Variants in EBF1 observed in about 807,000 individuals in gnomAD.
EBF1 encodes the protein EBF transcription factor 1.
A neutral mutation model predicts 68.4 loss-of-function variants in EBF1; 10 were observed. The ratio of observed to expected loss-of-function variants is 0.15; its 90% CI spans 0.09 to 0.25. EBF1 has a LOEUF of 0.25. EBF1 is among the 10% of genes least tolerant of loss of function. The pLI is 1.00. For missense variants in EBF1, 509 were observed against 794.4 expected (o/e 0.64, Z 4.32); for synonymous variants, 298 against 299.8 (o/e 0.99, Z 0.06).
At chr5:158,758,276 A>G (rs985067074) in intron 10 of EBF1, among the ~76,000 whole-genome samples, 4 of 152,230 alleles carry the variant, frequency 2.6e-5, no homozygotes, top group African/African-American at 9.6e-5. Flanking sequence ...ATGAGAGAGG[A>G]CTTATACACG....
intron 6 of EBF1, among the ~76,000 whole-genome samples, chr5:159,065,874 T>A (rs1211266241): frequency 1.3e-5 from 2 of 152,210 alleles, no homozygotes; most frequent in Non-Finnish European, 2.9e-5. Flanking sequence ...TTACTTTTAA[T>A]CTATGGCCCT....
chr5:159,087,357 CAT>C (rs59723820), intron 4 of EBF1, among the ~76,000 whole-genome samples: 44,737 of 140,380 alleles, frequency 0.32, 7,457 homozygotes, highest in African/African-American at 0.37. Context: ...TATATATACA[CAT>C]ATATATATAC....
intron 10 of EBF1, among the ~76,000 whole-genome samples, chr5:158,772,347 G>A (rs1774036540): frequency 6.6e-6 from 1 of 152,216 alleles, no homozygotes; most frequent in Non-Finnish European, 1.5e-5. Context: ...GGAAGCTGGA[G>A]TTGAAGCTGA....
At chr5:158,891,625 T>A (rs1801200755) in intron 6 of EBF1, among the ~76,000 whole-genome samples, 1 of 152,120 alleles carries the variant, frequency 6.6e-6, no homozygotes, top group Non-Finnish European at 1.5e-5. Context: ...TATATATGTG[T>A]GTGTGTGTAT....
At chr5:158,960,287 A>G (rs1817920767) in intron 6 of EBF1, among the ~76,000 whole-genome samples, 1 of 152,258 alleles carries the variant, frequency 6.6e-6, no homozygotes, top group Non-Finnish European at 1.5e-5. Flanking sequence ...TTGCCACTTA[A>G]ATAAATGTTA....
chr5:158,713,722 T>G (rs1452130088), intron 12 of EBF1, among the ~76,000 whole-genome samples: 4 of 152,242 alleles, frequency 2.6e-5, no homozygotes, highest in Non-Finnish European at 5.9e-5. Context: ...CATGGAGTTC[T>G]ATGAAACAGA....
intron 6 of EBF1, among the ~76,000 whole-genome samples, chr5:158,969,721 G>C (rs1265869720): frequency 6.6e-6 from 1 of 151,490 alleles, no homozygotes; most frequent in Admixed American, 6.6e-5. Flanking sequence ...CCTGCAGTGA[G>C]CTGTAATCGT....
intron 4 of EBF1, among the ~76,000 whole-genome samples, chr5:159,090,415 A>T (rs1781426276): frequency 6.6e-6 from 1 of 151,986 alleles, no homozygotes; most frequent in Non-Finnish European, 1.5e-5. Flanking sequence ...GGAATAAAAT[A>T]AAAAAATAAT....
At chr5:158,937,666 G>C (rs933832693) in intron 6 of EBF1, among the ~76,000 whole-genome samples, 1 of 152,176 alleles carries the variant, frequency 6.6e-6, no homozygotes, top group African/African-American at 2.4e-5. Flanking sequence ...GTGCGGAATG[G>C]CTTCCCAAGG....
In EBF1 at chr5:159,051,302, C is replaced by T. The variant is rs1773614220; in HGVS notation, c.554+22094G>A. On this transcript the variant is annotated intron_variant, in intron 6 of 15. Transcript: ENST00000313708. ...GTCAAGGCATCCTTTTCCTGGTTCC[C>T]CTTGGGCTACTTTCTTTGCTCCCAC... Among the ~76,000 whole-genome samples the T allele has an allele frequency of 2.6e-5, 4 of 151,966 alleles. No individual in the cohort carries two copies. The South Asian group carries it at 8.3e-4, about 32-fold the overall frequency.
chr5:159,041,076 C>T (rs906671005), intron 6 of EBF1, among the ~76,000 whole-genome samples: 10 of 152,210 alleles, frequency 6.6e-5, no homozygotes, highest in African/African-American at 1.9e-4. Flanking sequence ...CCTTGGCAGA[C>T]TTACAATCCA....
At chr5:158,805,921 A>G (rs999639235) in intron 8 of EBF1, among the ~76,000 whole-genome samples, 2 of 151,976 alleles carry the variant, frequency 1.3e-5, no homozygotes, top group Non-Finnish European at 2.9e-5. Flanking sequence ...CACTGTTTCT[A>G]TCATTTTCAT....
chr5:159,019,291 T>A, intron 6 of EBF1, among the ~76,000 whole-genome samples: 1 of 152,204 alleles, frequency 6.6e-6, no homozygotes, highest in Non-Finnish European at 1.5e-5. Flanking sequence ...CCCACAACAT[T>A]TAACAGGAGA....
chr5:158,801,667 T>TAA (rs11290189), intron 8 of EBF1, among the ~76,000 whole-genome samples: 19 of 128,260 alleles, frequency 1.5e-4, no homozygotes, highest in African/African-American at 4.3e-4. Context: ...AGGGAAGAAT[T>TAA]AAAAAAAAAA....
At chr5:159,017,808 T>G (rs1023999254) in intron 6 of EBF1, among the ~76,000 whole-genome samples, 1 of 152,198 alleles carries the variant, frequency 6.6e-6, no homozygotes, top group African/African-American at 2.4e-5. Flanking sequence ...TTCAAATAAC[T>G]GAAGACATAA....
chr5:158,746,520 T>A (rs1023042010), intron 10 of EBF1, among the ~76,000 whole-genome samples: 38 of 152,254 alleles, frequency 2.5e-4, no homozygotes, highest in African/African-American at 9.1e-4. Flanking sequence ...AAGCCCTTGT[T>A]CTTGCTAAGA....
intron 10 of EBF1, among the ~76,000 whole-genome samples, chr5:158,764,957 T>C (rs1461303265): frequency 6.6e-6 from 1 of 152,078 alleles, no homozygotes; most frequent in Non-Finnish European, 1.5e-5. Flanking sequence ...TCTTTCCTCA[T>C]AAAGAACAAA....
chr5:159,065,289 G>T (rs1415935101), intron 6 of EBF1, among the ~76,000 whole-genome samples: 3 of 152,054 alleles, frequency 2.0e-5, no homozygotes, highest in African/African-American at 7.2e-5. Flanking sequence ...CATTAGAAAA[G>T]TTACCCAGCT....
intron 4 of EBF1, among the ~76,000 whole-genome samples, chr5:159,095,296 T>TC (rs1187265797): frequency 6.6e-6 from 1 of 151,888 alleles, no homozygotes; most frequent in African/African-American, 2.4e-5. Flanking sequence ...CGCACCAGGG[T>TC]CCCTGGGCAC....
Sources: gnomAD v4.1 joint callset for allele counts (sites outside exome capture counted in the v4.1 genomes callset) on GRCh38, gnomAD v4.1.1 for gene constraint, MANE v1.5 for transcripts, NCBI Gene and HGNC (gene_info 2026-07-23, HGNC 2026-07-21) for gene names.